Variants in FAM107B observed in about 807,000 individuals in gnomAD.
FAM107B encodes protein FAM107B.
FAM107B carries 21 observed loss-of-function variants against 31.5 expected under a neutral mutation model. The ratio of observed to expected loss-of-function variants is 0.67; its 90% CI spans 0.47 to 0.96. FAM107B has a LOEUF of 0.96. Ranked by LOEUF, FAM107B falls within the 40% of genes least tolerant of loss-of-function variation. The pLI, the probability that FAM107B is intolerant of heterozygous loss-of-function variation, is 0.00. For synonymous variants in FAM107B, 157 were observed against 141.5 expected (o/e 1.11, Z -0.78); for missense variants, 452 against 377.1 (o/e 1.20, Z -1.64).
chr10:14,642,648 C>G lies in FAM107B; in HGVS notation c.469+24986G>C, dbSNP rs139185304. Reference sequence around the variant, plus strand: ...GCAATATGGATAGATGAAGTATTTTCCAAGTCTGCAAGTTCTTGTTTCTTT... The same window carrying G: ...GCAATATGGATAGATGAAGTATTTTGCAAGTCTGCAAGTTCTTGTTTCTTT... On this transcript the variant is annotated intron_variant, in intron 2 of 4. Coordinates refer to ENST00000181796, the MANE Select transcript of FAM107B (RefSeq NM_031453.4). Among the ~76,000 whole-genome samples, 808 of 152,108 alleles carry G rather than the reference C, an allele frequency of 5.3e-3. 5 individuals are homozygous for G. The highest frequency in any genetic ancestry group is 0.019 in the African/African-American group (768 of 41,472).
intron 2 of FAM107B, among the ~76,000 whole-genome samples, chr10:14,615,999 G>T (rs569753793): frequency 6.6e-6 from 1 of 152,140 alleles, no homozygotes; most frequent in Admixed American, 6.5e-5. Context: ...TTGTATAAAA[G>T]AATCACAAAA....
At chr10:14,666,778 T>C (rs939843709) in intron 2 of FAM107B, among the ~76,000 whole-genome samples, 2 of 152,182 alleles carry the variant, frequency 1.3e-5, no homozygotes, top group African/African-American at 4.8e-5. Flanking sequence ...GAGGAGATAG[T>C]ATAGAGGGAA....
chr10:14,705,259 C>G (rs1855493868), intron 1 of FAM107B, among the ~76,000 whole-genome samples: 1 of 152,100 alleles, frequency 6.6e-6, no homozygotes. Flanking sequence ...TTGTACACTG[C>G]TGGGGGAACT....
chr10:14,758,857 A>AG (rs1262577897), intron 1 of FAM107B, among the ~76,000 whole-genome samples: 8 of 147,366 alleles, frequency 5.4e-5, no homozygotes, highest in South Asian at 2.3e-4. Flanking sequence ...CTGGGCAACA[A>AG]AGCAAGACCC....
intron 2 of FAM107B, among the ~76,000 whole-genome samples, chr10:14,583,861 C>T (rs1374441842): frequency 1.3e-5 from 2 of 152,160 alleles, no homozygotes; most frequent in East Asian, 3.9e-4. Context: ...CCCTCAGGAT[C>T]CAGGGCCTGG....
chr10:14,774,559 C>T lies in FAM107B; in HGVS notation c.105G>A (p.Arg35=), dbSNP rs1001575630. 2 of 1,614,068 alleles carry T rather than the reference C, an allele frequency of 1.2e-6. No individual in the cohort carries two copies. The highest frequency in any genetic ancestry group is 2.7e-5 in the African/African-American group (2 of 74,910). ...CGGACTGATTGAAGGAAGCACTCTCCCTCGTATTCCCAAAACAGGCGAGCA... is the reference window on the plus strand; with the variant it reads ...CGGACTGATTGAAGGAAGCACTCTCTCTCGTATTCCCAAAACAGGCGAGCA... The part of the protein sequence containing the change: ...SALLACFGNT[R]ESASFNQSGV... The change falls in exon 1 of 5, where the codon AGG becomes AGA. Residue 35 remains arginine, a synonymous_variant. Coordinates refer to ENST00000181796, the MANE Select transcript of FAM107B (RefSeq NM_031453.4).
intron 1 of FAM107B, among the ~76,000 whole-genome samples, chr10:14,731,709 T>G (rs1391524063): frequency 6.6e-6 from 1 of 152,232 alleles, no homozygotes; most frequent in East Asian, 1.9e-4. Flanking sequence ...ACCATCTTTT[T>G]ACTGTACCTT....
chr10:14,586,764 C>T (rs971237826), intron 2 of FAM107B, among the ~76,000 whole-genome samples: 1 of 152,148 alleles, frequency 6.6e-6, no homozygotes, highest in African/African-American at 2.4e-5. Flanking sequence ...ATGAAGACAG[C>T]CATACCTTTG....
chr10:14,653,533 C>T (rs1853956522), intron 2 of FAM107B, among the ~76,000 whole-genome samples: 1 of 152,130 alleles, frequency 6.6e-6, no homozygotes, highest in Non-Finnish European at 1.5e-5. Context: ...GCCCATGGTT[C>T]GGGAACTTTT....
Position 14,530,156 on chromosome 10 carries a change from G to A in FAM107B, c.653+176C>T. ...CCACCACAGTGATGGCCACCTGCAGGGGATCTGCCTCACGGAGGGGTAACC... is the reference window on the plus strand; with the variant it reads ...CCACCACAGTGATGGCCACCTGCAGAGGATCTGCCTCACGGAGGGGTAACC... On this transcript the variant is annotated intron_variant, in intron 3 of 4. Coordinates refer to ENST00000181796, the MANE Select transcript of FAM107B (RefSeq NM_031453.4). The A allele has an allele frequency of 6.1e-6, 4 of 657,274 alleles. No homozygotes were observed. The East Asian group carries it at 1.2e-4, about 19-fold the overall frequency. The allele number at this position is 657,274 out of a possible 1,614,324, so 40.7% of individuals were successfully genotyped here. A position where few individuals can be genotyped will look rare whatever the true frequency, so the allele number is the denominator to read the frequency against.
chr10:14,705,115 A>T lies in FAM107B; in HGVS notation c.412-37424T>A, dbSNP rs561778789. 4.5e-4 allele frequency among the ~76,000 whole-genome samples: 68 copies of T among 152,052 alleles called. No individual in the cohort carries two copies. The South Asian group carries it at 0.013, about 30-fold the overall frequency. On this transcript the variant is annotated intron_variant, in intron 1 of 4. Transcript: ENST00000181796. ...TGCCAATAAGCTCATGGATTGCTGCACCACATCACTAATCATTAGGGAAAT... is the reference window on the plus strand; with the variant it reads ...TGCCAATAAGCTCATGGATTGCTGCTCCACATCACTAATCATTAGGGAAAT...
chr10:14,773,353 T>C (rs1037100533), intron 1 of FAM107B, among the ~76,000 whole-genome samples: 1 of 152,210 alleles, frequency 6.6e-6, no homozygotes, highest in Non-Finnish European at 1.5e-5. Context: ...GTTAAACGGA[T>C]GTGGAAAAAT....
chr10:14,761,490 A>C (rs912314422), intron 1 of FAM107B, among the ~76,000 whole-genome samples: 1 of 152,238 alleles, frequency 6.6e-6, no homozygotes, highest in African/African-American at 2.4e-5. Flanking sequence ...GCTTTTTATA[A>C]GTGAGATAAT....
chr10:14,550,261 G>A (rs1309220676), intron 2 of FAM107B, among the ~76,000 whole-genome samples: 1 of 152,138 alleles, frequency 6.6e-6, no homozygotes, highest in African/African-American at 2.4e-5. Flanking sequence ...TCAATTCTCT[G>A]TCTGTCTCTC....
chr10:14,730,701 G>A (rs768703405), intron 1 of FAM107B, among the ~76,000 whole-genome samples: 25 of 152,198 alleles, frequency 1.6e-4, no homozygotes, highest in African/African-American at 9.6e-5. Context: ...CAGATTGTGC[G>A]GAGGCTACTG....
intron 1 of FAM107B, among the ~76,000 whole-genome samples, chr10:14,717,706 T>C (rs1211064463): frequency 1.3e-5 from 2 of 151,736 alleles, no homozygotes; most frequent in Non-Finnish European, 2.9e-5. Context: ...TGGGTCTGCT[T>C]CTCCCAGTCG....
intron 2 of FAM107B, among the ~76,000 whole-genome samples, chr10:14,643,186 A>G (rs780820535): frequency 6.6e-6 from 1 of 152,080 alleles, no homozygotes; most frequent in Non-Finnish European, 1.5e-5. Context: ...GAGAATTCCC[A>G]AGATCTATAA....
intron 2 of FAM107B, among the ~76,000 whole-genome samples, chr10:14,591,695 G>A (rs1852024975): frequency 6.6e-6 from 1 of 152,214 alleles, no homozygotes; most frequent in Non-Finnish European, 1.5e-5. Flanking sequence ...CTCAGTTTTA[G>A]AATCACTACA....
chr10:14,709,713 A>G (rs1410978753), intron 1 of FAM107B, among the ~76,000 whole-genome samples: 1 of 152,222 alleles, frequency 6.6e-6, no homozygotes. Flanking sequence ...ACTGTGGTAC[A>G]TCCAGACAAT....
Sources: gnomAD v4.1 joint callset for allele counts (sites outside exome capture counted in the v4.1 genomes callset) on GRCh38, gnomAD v4.1.1 for gene constraint, MANE v1.5 for transcripts, NCBI Gene and HGNC (gene_info 2026-07-23, HGNC 2026-07-21) for gene names.